CSMD1: variants seen among roughly 807,000 people sequenced by gnomAD.
CSMD1 encodes CUB and sushi domain-containing protein 1.
CSMD1 carries 213 observed loss-of-function variants against 417.5 expected under a neutral mutation model. That is an observed-to-expected ratio of 0.51 (90% CI 0.46 to 0.57). The LOEUF (loss-of-function observed/expected upper bound fraction) is 0.57. Ranked by LOEUF, CSMD1 falls within the 20% of genes least tolerant of loss-of-function variation. The probability of loss-of-function intolerance (pLI) is 0.00; values close to 1 mark genes in which losing one functional copy is unlikely to be tolerated. For synonymous variants in CSMD1, 2,862 were observed against 1,736.8 expected (o/e 1.65, Z -16.11); for missense variants, 6,923 against 4,529.7 (o/e 1.53, Z -15.17).
chr8:3,540,804 A>C (rs1798405809), intron 10 of CSMD1, among the ~76,000 whole-genome samples: 1 of 148,370 alleles, frequency 6.7e-6, no homozygotes, highest in Non-Finnish European at 1.5e-5. Flanking sequence ...CTGATAAGTA[A>C]AGAAGTGCAA....
At chr8:4,094,620 G>C (rs1420192162) in intron 3 of CSMD1, among the ~76,000 whole-genome samples, 2 of 151,734 alleles carry the variant, frequency 1.3e-5, no homozygotes, top group African/African-American at 2.4e-5. Flanking sequence ...GGAGAGGCGT[G>C]TGTCACACAT....
chr8:2,963,508 T>A, intron 59 of CSMD1, 113 bp from the exon 60 acceptor site: 1 of 1,022,048 alleles, frequency 9.8e-7, no homozygotes, highest in Non-Finnish European at 1.4e-6. Context: ...CTACATAGGT[T>A]TTTAAAAAAA....
At chr8:4,393,393 A>G (rs765901742) in intron 3 of CSMD1, among the ~76,000 whole-genome samples, 1 of 152,224 alleles carries the variant, frequency 6.6e-6, no homozygotes, top group Non-Finnish European at 1.5e-5. Flanking sequence ...AAATTCAGTT[A>G]TGGTTGTGAA....
At chr8:3,465,396 C>T (rs75975040) in intron 12 of CSMD1, among the ~76,000 whole-genome samples, 5,212 of 152,230 alleles carry the variant, frequency 0.034, 118 homozygotes, top group Non-Finnish European at 0.052. Context: ...TATGCCCAAG[C>T]CTACGAGCCC....
intron 3 of CSMD1, among the ~76,000 whole-genome samples, chr8:4,353,438 A>T (rs7816165): frequency 5.9e-5 from 9 of 152,108 alleles, no homozygotes; most frequent in Admixed American, 5.9e-4. Context: ...CCTATTCTCG[A>T]GTATGTCTTT....
chr8:3,515,335 C>T (rs1360124627), intron 10 of CSMD1: 1 of 152,162 alleles, frequency 6.6e-6, no homozygotes, highest in African/African-American at 2.4e-5. Context: ...TCCGTGCACT[C>T]ACACAGCTAC....
At chr8:4,584,709 T>C (rs990726234) in intron 2 of CSMD1, among the ~76,000 whole-genome samples, 1 of 152,088 alleles carries the variant, frequency 6.6e-6, no homozygotes, top group African/African-American at 2.4e-5. Context: ...TGCCCATCTA[T>C]CCTATCTATC....
intron 2 of CSMD1, among the ~76,000 whole-genome samples, chr8:4,450,266 G>A (rs757726941): frequency 2.0e-5 from 3 of 152,208 alleles, no homozygotes; most frequent in East Asian, 3.9e-4. Flanking sequence ...ATCTTCAGGA[G>A]CACACAACAT....
At chr8:3,513,487 C>A (rs1041941330) in intron 10 of CSMD1, among the ~76,000 whole-genome samples, 1 of 151,918 alleles carries the variant, frequency 6.6e-6, no homozygotes, top group African/African-American at 2.4e-5. Flanking sequence ...TGGGATCTCA[C>A]CTTGTGATCG....
intron 26 of CSMD1, among the ~76,000 whole-genome samples, chr8:3,265,556 A>T (rs1055957658): frequency 2.0e-5 from 3 of 152,182 alleles, no homozygotes; most frequent in Non-Finnish European, 4.4e-5. Context: ...CACTCCTGTT[A>T]CCTGGGAATT....
intron 2 of CSMD1, among the ~76,000 whole-genome samples, chr8:4,437,649 A>C (rs1158525794): frequency 2.0e-5 from 3 of 152,210 alleles, no homozygotes; most frequent in Non-Finnish European, 2.9e-5. Context: ...AGAGTCACAC[A>C]AAGGAGTTCG....
intron 3 of CSMD1, among the ~76,000 whole-genome samples, chr8:4,287,901 T>C (rs570810932): frequency 2.4e-4 from 36 of 152,194 alleles, no homozygotes; most frequent in Non-Finnish European, 4.6e-4. Flanking sequence ...AGGTTGCTCT[T>C]AAGCCATCAC....
chr8:4,197,847 C>G (rs866829576), intron 3 of CSMD1, among the ~76,000 whole-genome samples: 2 of 152,278 alleles, frequency 1.3e-5, no homozygotes, highest in Admixed American at 6.5e-5. Context: ...CTACCACACT[C>G]CAGCCTGGGC....
In CSMD1 at chr8:3,117,270, A is replaced by G. The variant is rs1359354344; in HGVS notation, c.6430+1129T>C. On this transcript the variant is annotated intron_variant, in intron 42 of 69. Coordinates refer to ENST00000635120, the MANE Select transcript of CSMD1 (RefSeq NM_033225.6). ...GTATTTTTAGTAGAGACGGTGTTTCACCGTGTTAGCCAGGATGGTCTTGAT... is the reference window on the plus strand; with the variant it reads ...GTATTTTTAGTAGAGACGGTGTTTCGCCGTGTTAGCCAGGATGGTCTTGAT... Among the ~76,000 whole-genome samples, 3 of 152,102 alleles carry G rather than the reference A, an allele frequency of 2.0e-5. No homozygotes were observed. The South Asian group carries it at 6.2e-4, about 32-fold the overall frequency.
chr8:4,511,468 G>T (rs1490031608), intron 2 of CSMD1, among the ~76,000 whole-genome samples: 4 of 152,146 alleles, frequency 2.6e-5, no homozygotes, highest in Admixed American at 6.6e-5. Flanking sequence ...GTTTCTTCTG[G>T]TTTCCTGTTC....
intron 3 of CSMD1, among the ~76,000 whole-genome samples, chr8:4,362,253 G>C (rs1031138339): frequency 1.3e-5 from 2 of 152,038 alleles, no homozygotes; most frequent in African/African-American, 4.8e-5. Context: ...TTCCATGAGA[G>C]GGGATTTCAA....
intron 3 of CSMD1, among the ~76,000 whole-genome samples, chr8:4,039,753 G>A (rs372899034): frequency 6.6e-6 from 1 of 152,146 alleles, no homozygotes; most frequent in Non-Finnish European, 1.5e-5. Flanking sequence ...AAATTGATGT[G>A]GGGGAAGTCG....
At chr8:4,980,618 T>A (rs1477139420) in intron 1 of CSMD1, among the ~76,000 whole-genome samples, 2 of 152,154 alleles carry the variant, frequency 1.3e-5, no homozygotes, top group East Asian at 3.9e-4. Flanking sequence ...AAAAATCTTA[T>A]CTAGCCAGGC....
chr8:4,220,708 A>G (rs533276677), intron 3 of CSMD1, among the ~76,000 whole-genome samples: 9 of 152,348 alleles, frequency 5.9e-5, no homozygotes, highest in African/African-American at 1.7e-4. Context: ...TCCCAGGTGC[A>G]TGCATTGAGC....
Sources: allele counts gnomAD v4.1 joint callset (sites outside exome capture counted in the v4.1 genomes callset), GRCh38; gene constraint gnomAD v4.1.1; transcripts MANE v1.5; gene names NCBI Gene and HGNC (gene_info 2026-07-23, HGNC 2026-07-21).